Variants in PCDH15 observed in about 807,000 individuals in gnomAD.
The protein encoded by PCDH15 is protocadherin related 15, also known as protocadherin-15.
Under a neutral mutation model 178.5 loss-of-function variants are expected in PCDH15, and 129 were observed. The ratio of observed to expected loss-of-function variants is 0.72; its 90% confidence interval spans 0.63 to 0.84. PCDH15 has a LOEUF of 0.84. Ranked by LOEUF, PCDH15 falls within the 40% of genes least tolerant of loss-of-function variation. The pLI, the probability that PCDH15 is intolerant of heterozygous loss-of-function variation, is 0.00. For synonymous variants in PCDH15, 800 were observed against 732.0 expected (o/e 1.09, Z -1.50); for missense variants, 2,230 against 2,099.9 (o/e 1.06, Z -1.21).
intron 8 of PCDH15, among the ~76,000 whole-genome samples, chr10:54,303,818 T>C (rs1389018407): frequency 3.3e-5 from 5 of 152,152 alleles, no homozygotes; most frequent in Non-Finnish European, 7.4e-5. Flanking sequence ...ACCCAATGCA[T>C]GCATGCAAGG....
At chr10:55,195,012 G>A (rs1840046024) in intron 1 of PCDH15, among the ~76,000 whole-genome samples, 1 of 151,130 alleles carries the variant, frequency 6.6e-6, no homozygotes, top group African/African-American at 2.4e-5. Flanking sequence ...CACAAGACAT[G>A]GAAGAAGAAA....
chr10:53,865,488 T>C (rs1361676805), intron 27 of PCDH15, among the ~76,000 whole-genome samples: 1 of 152,146 alleles, frequency 6.6e-6, no homozygotes, highest in African/African-American at 2.4e-5. Flanking sequence ...ATAAAGGTAA[T>C]GGCAAGGTAA....
intron 1 of PCDH15, among the ~76,000 whole-genome samples, chr10:54,679,599 A>G (rs1020712973): frequency 2.0e-4 from 30 of 152,204 alleles, no homozygotes; most frequent in Admixed American, 1.8e-3. Context: ...GCTTATGTCT[A>G]TAATTTTCTT....
intron 23 of PCDH15, among the ~76,000 whole-genome samples, chr10:53,948,170 T>C (rs1221834565): frequency 6.6e-6 from 1 of 152,148 alleles, no homozygotes; most frequent in Non-Finnish European, 1.5e-5. Context: ...TCCCTGTTTG[T>C]CTACTGCCCT....
intron 1 of PCDH15, among the ~76,000 whole-genome samples, chr10:55,203,922 AC>A (rs1001667750): frequency 7.2e-5 from 11 of 152,044 alleles, no homozygotes; most frequent in Middle Eastern, 3.4e-3. Flanking sequence ...AAAATGCAAT[AC>A]ATTTCAGCTG....
intron 8 of PCDH15, among the ~76,000 whole-genome samples, chr10:54,239,416 T>A (rs1366391854): frequency 7.1e-6 from 1 of 141,444 alleles, no homozygotes; most frequent in African/African-American, 2.8e-5. Flanking sequence ...TGTGATTAAA[T>A]ATATATATAT....
intron 3 of PCDH15, among the ~76,000 whole-genome samples, chr10:54,451,110 CTCTT>C (rs1363600289): frequency 1.3e-5 from 2 of 151,782 alleles, no homozygotes; most frequent in African/African-American, 4.8e-5. Flanking sequence ...ATTTGTTTCT[CTCTT>C]TGTTATTGCC....
intron 1 of PCDH15, among the ~76,000 whole-genome samples, chr10:55,269,624 A>C (rs533702651): frequency 6.6e-6 from 1 of 152,280 alleles, no homozygotes; most frequent in East Asian, 1.9e-4. Context: ...GCTGAAAAAA[A>C]CCACAGACAA....
chr10:54,629,646 C>G (rs1410656158), intron 2 of PCDH15, among the ~76,000 whole-genome samples: 1 of 151,976 alleles, frequency 6.6e-6, no homozygotes, highest in Non-Finnish European at 1.5e-5. Context: ...ACTGAATGGA[C>G]AAAATCTGGA....
chr10:55,534,656 C>G (rs1050728055), intron 2 of PCDH15, among the ~76,000 whole-genome samples: 1 of 151,516 alleles, frequency 6.6e-6, no homozygotes, highest in African/African-American at 2.4e-5. Flanking sequence ...TGGTAAGCAG[C>G]TATTTCTCAA....
intron 26 of PCDH15, among the ~76,000 whole-genome samples, chr10:53,873,534 G>A (rs534282703): frequency 2.6e-5 from 4 of 152,120 alleles, no homozygotes; most frequent in Non-Finnish European, 5.9e-5. Flanking sequence ...CACACATATG[G>A]TTGTTAGCAC....
At chr10:54,238,640 A>C (rs2054880044) in intron 8 of PCDH15, among the ~76,000 whole-genome samples, 1 of 145,610 alleles carries the variant, frequency 6.9e-6, no homozygotes, top group African/African-American at 2.6e-5. Context: ...ACTCTCACTG[A>C]ACTTTTCCTC....
chr10:55,582,628 A>ATATATATATATTTT (rs780312007), intron 2 of PCDH15, among the ~76,000 whole-genome samples: 6 of 69,038 alleles, frequency 8.7e-5, no homozygotes, highest in African/African-American at 4.0e-4. Flanking sequence ...ATATATATAT[A>ATATATATATATTTT]TTTTTTTTTT....
chr10:55,250,138 T>C (rs1406243339), intron 1 of PCDH15, among the ~76,000 whole-genome samples: 1 of 152,060 alleles, frequency 6.6e-6, no homozygotes, highest in African/African-American at 2.4e-5. Context: ...TTAATTTATT[T>C]AATTTATTTA....
chr10:53,804,796 A>C lies in PCDH15; in HGVS notation c.*1783T>G, dbSNP rs1329531325. 6.6e-6 allele frequency: 1 copy of C among 151,992 alleles called. No individual in the cohort carries two copies. Among genetic ancestry groups the C allele is most frequent in the African/African-American group, 2.4e-5 (1 of 41,434 alleles). The allele number at this position is 151,992 out of a possible 1,614,324, so 9.4% of individuals were successfully genotyped here. On this transcript the variant is annotated 3_prime_UTR_variant, in exon 38 of 38. Coordinates refer to ENST00000644397, the MANE Select transcript of PCDH15 (RefSeq NM_001384140.1). ...CCTGAAGGAATAAGCCCCGGACTTC[A>C]TTGCTTCCAAAATTTAATGTGCATA... is the stretch of plus-strand genomic sequence containing the variant.
chr10:53,979,062 A>AT (rs1267557571), intron 21 of PCDH15, among the ~76,000 whole-genome samples: 1 of 151,990 alleles, frequency 6.6e-6, no homozygotes, highest in Non-Finnish European at 1.5e-5. Context: ...TCACTTCCAC[A>AT]TTTTCAGATG....
chr10:54,251,385 C>G (rs1337321303), intron 8 of PCDH15, among the ~76,000 whole-genome samples: 1 of 152,096 alleles, frequency 6.6e-6, no homozygotes, highest in Non-Finnish European at 1.5e-5. Context: ...CTTACAGTAT[C>G]TTTGTTATTG....
rs142431650 is a variant in PCDH15, at chr10:55,136,633, A to C, written c.-80+29943T>G. ...ATAAATAAGTTCCTAGGAAGCATTC[A>C]GGCTTAAAGTTTCAAGAGAAATTTA... On this transcript the variant is annotated intron_variant, in intron 2 of 5. Coordinates refer to the PCDH15 transcript ENST00000458638. Among the ~76,000 whole-genome samples the C allele has an allele frequency of 1.6e-3, 239 of 152,272 alleles. 5 individuals carry two copies. The East Asian group carries it at 0.036, about 23-fold the overall frequency.
chr10:55,229,475 A>G (rs1222865710), intron 1 of PCDH15, among the ~76,000 whole-genome samples: 1 of 151,996 alleles, frequency 6.6e-6, no homozygotes, highest in African/African-American at 2.4e-5. Context: ...TGTAAATTGC[A>G]AATTTCTCGG....
Sources: allele counts gnomAD v4.1 joint callset (sites outside exome capture counted in the v4.1 genomes callset), GRCh38; gene constraint gnomAD v4.1.1; transcripts MANE v1.5; gene names NCBI Gene and HGNC (gene_info 2026-07-23, HGNC 2026-07-21).